The following BCKDHB variants were observed in gnomAD, a reference collection of about 807,000 sequenced individuals.
BCKDHB encodes 2-oxoisovalerate dehydrogenase subunit beta, mitochondrial.
BCKDHB carries 41 observed loss-of-function variants against 48.5 expected under a neutral mutation model. The observed-to-expected ratio is 0.85, with a 90% CI of 0.66 to 1.10. The LOEUF (loss-of-function observed/expected upper bound fraction) is 1.10, where lower values mean the gene tolerates loss of function less well. Among genes scored for constraint, BCKDHB ranks in the 50% least tolerant of loss-of-function variants. BCKDHB has a pLI of 0.00. For synonymous variants in BCKDHB, 201 were observed against 174.8 expected (o/e 1.15, Z -1.18); for missense variants, 496 against 494.2 (o/e 1.00, Z -0.03).
At chr6:80,364,848 C>T in the BCKDHB span, among the ~76,000 whole-genome samples, 767 of 152,224 alleles carry the variant, frequency 5.0e-3, 4 homozygotes, top group African/African-American at 0.017. Flanking sequence ...AATATTTCAA[C>T]GGAGGTTCTT....
chr6:80,168,823 T>C, intron 4 of BCKDHB, 52 bp from the exon 5 acceptor site: 1 of 1,071,672 alleles, frequency 9.3e-7, no homozygotes, highest in Non-Finnish European at 1.3e-6. Context: ...GGAAGGAGAT[T>C]GGAAGGGAAG....
chr6:80,120,224 G>A (rs1255895755), intron 1 of BCKDHB, among the ~76,000 whole-genome samples: 1 of 152,124 alleles, frequency 6.6e-6, no homozygotes, highest in East Asian at 1.9e-4. Flanking sequence ...GTATTCCATG[G>A]TGTATATGTG....
the BCKDHB span, among the ~76,000 whole-genome samples, chr6:80,422,800 C>T: frequency 6.6e-6 from 1 of 152,178 alleles, no homozygotes; most frequent in African/African-American, 2.4e-5. Context: ...GCCTCTACCC[C>T]AGTTGTATCT....
At chr6:80,136,536 A>G (rs1034413787) in intron 3 of BCKDHB, among the ~76,000 whole-genome samples, 24 of 152,188 alleles carry the variant, frequency 1.6e-4, no homozygotes, top group African/African-American at 5.8e-4. Context: ...GCTTCGTGAA[A>G]TTGGATTTGA....
intron 3 of BCKDHB, among the ~76,000 whole-genome samples, chr6:80,166,278 TC>T (rs1458075201): frequency 6.6e-6 from 1 of 152,236 alleles, no homozygotes; most frequent in Non-Finnish European, 1.5e-5. Context: ...TATAGTTTTT[TC>T]ATTATTATTC....
intron 9 of BCKDHB, among the ~76,000 whole-genome samples, chr6:80,310,004 A>C (rs535463051): frequency 1.1e-4 from 17 of 152,262 alleles, no homozygotes; most frequent in African/African-American, 4.1e-4. Flanking sequence ...CTCCAGCTCC[A>C]TCCATGTTGA....
Position 80,163,758 on chromosome 6 carries a change from C to T in BCKDHB, c.344-3920C>T, listed in dbSNP as rs368396906. ...CTCCAAACCTGAGCTGCTGATCTCT[C>T]ACCCAACATGCTTCTTCACAGTTTT... On this transcript the variant is annotated intron_variant, in intron 3 of 9. Transcript: ENST00000320393. 2.6e-4 allele frequency among the ~76,000 whole-genome samples: 40 copies of T among 152,308 alleles called. 1 individual carries two copies. In the South Asian group the frequency reaches 8.3e-3, roughly 32 times the overall value.
At chr6:80,176,736 G>T (rs1414296109) in intron 6 of BCKDHB, among the ~76,000 whole-genome samples, 2 of 152,146 alleles carry the variant, frequency 1.3e-5, no homozygotes, top group Non-Finnish European at 2.9e-5. Context: ...AAGTGATTCT[G>T]TGTGGATGGT....
chr6:80,282,379 C>T (rs1766372326), intron 9 of BCKDHB, among the ~76,000 whole-genome samples: 1 of 152,136 alleles, frequency 6.6e-6, no homozygotes, highest in Non-Finnish European at 1.5e-5. Flanking sequence ...TATCGAGACT[C>T]TTCAAAGTGT....
At chr6:80,112,488 C>G (rs948131401) in intron 1 of BCKDHB, among the ~76,000 whole-genome samples, 1 of 152,188 alleles carries the variant, frequency 6.6e-6, no homozygotes, top group Non-Finnish European at 1.5e-5. Flanking sequence ...CAACAGCAAA[C>G]TCCAGAATTC....
intron 1 of BCKDHB, among the ~76,000 whole-genome samples, chr6:80,107,956 G>GA (rs1769213575): frequency 6.6e-6 from 1 of 152,134 alleles, no homozygotes; most frequent in African/African-American, 2.4e-5. Context: ...TGCTAGAGCT[G>GA]ACATTTTTGG....
intron 9 of BCKDHB, among the ~76,000 whole-genome samples, chr6:80,276,759 C>A (rs1413726012): frequency 6.6e-6 from 1 of 151,634 alleles, no homozygotes; most frequent in Non-Finnish European, 1.5e-5. Flanking sequence ...TAATGGTAAA[C>A]TCACAGAAGT....
chr6:80,140,616 G>T (rs1771151630), intron 3 of BCKDHB, among the ~76,000 whole-genome samples: 1 of 151,518 alleles, frequency 6.6e-6, no homozygotes, highest in Admixed American at 6.6e-5. Flanking sequence ...TTATTGATTT[G>T]CGTATATTGA....
At chr6:80,364,869 G>A in the BCKDHB span, among the ~76,000 whole-genome samples, 2 of 152,114 alleles carry the variant, frequency 1.3e-5, no homozygotes, top group African/African-American at 2.4e-5. Context: ...TATATTTTCC[G>A]TAAGTGTTGG....
the BCKDHB span, among the ~76,000 whole-genome samples, chr6:80,375,414 A>G: frequency 2.0e-5 from 3 of 152,100 alleles, no homozygotes; most frequent in East Asian, 3.9e-4. Flanking sequence ...AGCTCTTAAA[A>G]TCTTTCTTCT....
rs144533599 is a variant in BCKDHB at position 80,284,811 on chromosome 6, G to A, written c.1038+11590G>A. On this transcript the variant is annotated intron_variant, in intron 9 of 9. Transcript: ENST00000320393. ...TGTGTCCTGTCTTTTGACAGGATTAGTTTGCTCTCTTAATTGTAACACATT... is the reference window on the plus strand; with the variant it reads ...TGTGTCCTGTCTTTTGACAGGATTAATTTGCTCTCTTAATTGTAACACATT... Among the ~76,000 whole-genome samples the A allele has an allele frequency of 1.6e-3, 247 of 152,174 alleles. 1 individual carries two copies. The highest frequency in any genetic ancestry group is 5.7e-3 in the African/African-American group (238 of 41,546).
the BCKDHB span, among the ~76,000 whole-genome samples, chr6:80,365,313 CAG>C: frequency 6.6e-6 from 1 of 152,110 alleles, no homozygotes; most frequent in Non-Finnish European, 1.5e-5. Flanking sequence ...TTTACCAGGG[CAG>C]AGTTTTTCCC....
the BCKDHB span, among the ~76,000 whole-genome samples, chr6:80,417,931 A>G: frequency 6.6e-6 from 1 of 152,266 alleles, no homozygotes; most frequent in Middle Eastern, 3.4e-3. Flanking sequence ...TATGTTTTCC[A>G]TGTTGGTTCC....
chr6:80,274,632 T>G (rs1049968621), intron 9 of BCKDHB, among the ~76,000 whole-genome samples: 4 of 152,030 alleles, frequency 2.6e-5, no homozygotes, highest in African/African-American at 9.7e-5. Flanking sequence ...CTTATTGATA[T>G]CTCAAAAGTT....
Sources: gnomAD v4.1 joint callset for allele counts (sites outside exome capture counted in the v4.1 genomes callset) on GRCh38, gnomAD v4.1.1 for gene constraint, MANE v1.5 for transcripts, NCBI Gene and HGNC (gene_info 2026-07-23, HGNC 2026-07-21) for gene names.